The following ABTB2 variants were observed in gnomAD, a reference collection of about 807,000 sequenced individuals.
ABTB2 encodes the protein ankyrin repeat and BTB/POZ domain-containing protein 2.
A neutral mutation model predicts 104.1 loss-of-function variants in ABTB2; 56 were observed. The observed-to-expected ratio is 0.54, with a 90% CI of 0.43 to 0.67. The LOEUF (loss-of-function observed/expected upper bound fraction) is 0.67, where lower values mean the gene tolerates loss of function less well. Among genes scored for constraint, ABTB2 ranks in the 30% least tolerant of loss-of-function variants. The probability of loss-of-function intolerance (pLI) is 0.00; values close to 1 mark genes in which losing one functional copy is unlikely to be tolerated. For missense variants in ABTB2, 1,279 were observed against 1,407.7 expected (o/e 0.91, Z 1.46); for synonymous variants, 606 against 608.2 (o/e 1.00, Z 0.05).
At chr11:34,170,517 G>GGT (rs762171143) in intron 5 of ABTB2, among the ~76,000 whole-genome samples, 2 of 152,144 alleles carry the variant, frequency 1.3e-5, no homozygotes, top group Non-Finnish European at 2.9e-5. Flanking sequence ...GCACTAAAAT[G>GGT]GTATCTCCAT....
intron 1 of ABTB2, among the ~76,000 whole-genome samples, chr11:34,325,502 A>T (rs917544009): frequency 6.6e-6 from 1 of 152,228 alleles, no homozygotes; most frequent in South Asian, 2.1e-4. Context: ...ACATCATAGC[A>T]TTATTGAAAT....
chr11:34,300,041 G>GA (rs1854681273), intron 1 of ABTB2, among the ~76,000 whole-genome samples: 1 of 152,220 alleles, frequency 6.6e-6, no homozygotes, highest in Non-Finnish European at 1.5e-5. Context: ...CCTACGCTTG[G>GA]TGGGGGGAAG....
At chr11:34,207,540 G>A (rs1018811895) in intron 1 of ABTB2, among the ~76,000 whole-genome samples, 3 of 152,146 alleles carry the variant, frequency 2.0e-5, no homozygotes, top group African/African-American at 7.2e-5. Flanking sequence ...TCCAGCAAGG[G>A]AGACAGGACA....
intron 1 of ABTB2, among the ~76,000 whole-genome samples, chr11:34,285,395 G>A (rs113936737): frequency 2.6e-5 from 4 of 152,286 alleles, no homozygotes; most frequent in African/African-American, 9.6e-5. Context: ...GCGGTAACCA[G>A]AGGAACATGG....
chr11:34,196,335 C>T (rs1398066891), intron 3 of ABTB2, among the ~76,000 whole-genome samples: 6 of 152,180 alleles, frequency 3.9e-5, no homozygotes, highest in Admixed American at 6.5e-5. Flanking sequence ...GCGTGGATCA[C>T]GAGATCAGGA....
intron 1 of ABTB2, among the ~76,000 whole-genome samples, chr11:34,318,747 G>T (rs1415948974): frequency 2.0e-5 from 3 of 152,232 alleles, no homozygotes; most frequent in African/African-American, 7.2e-5. Flanking sequence ...TGGGGAGTCA[G>T]AACTCAATGT....
chr11:34,237,423 G>A (rs953491374), intron 1 of ABTB2, among the ~76,000 whole-genome samples: 12 of 152,026 alleles, frequency 7.9e-5, no homozygotes, highest in South Asian at 2.1e-4. Context: ...GATTTCAGGC[G>A]TGAGCCACTG....
intron 1 of ABTB2, among the ~76,000 whole-genome samples, chr11:34,342,961 ATTC>A (rs879719357): frequency 6.7e-6 from 1 of 148,974 alleles, no homozygotes; most frequent in African/African-American, 2.5e-5. Flanking sequence ...TTATTTATTT[ATTC>A]GTTCATTCAT....
At chr11:34,248,752 T>A (rs1854017188) in intron 1 of ABTB2, among the ~76,000 whole-genome samples, 1 of 152,200 alleles carries the variant, frequency 6.6e-6, no homozygotes, top group Non-Finnish European at 1.5e-5. Context: ...CACATTGAGG[T>A]TGTGGGTATT....
rs541379049 is a variant in ABTB2 at position 34,157,782 on chromosome 11, C to CA, written c.2697+1513dup. Among the ~76,000 whole-genome samples the CA allele has an allele frequency of 9.3e-4, 142 of 152,386 alleles. 1 individual carries two copies. Among genetic ancestry groups the CA allele is most frequent in the African/African-American group, 3.2e-3 (132 of 41,598 alleles). ...TTCCCTCCATCCCCCCAGCCACTGC[C>CA]AATCCAGGTCACCACTGTCACTCAG... On this transcript the variant is annotated intron_variant, in intron 14 of 16. Transcript: ENST00000435224.
At chr11:34,206,368 A>G (rs1853407705) in intron 1 of ABTB2, among the ~76,000 whole-genome samples, 1 of 152,270 alleles carries the variant, frequency 6.6e-6, no homozygotes, top group Non-Finnish European at 1.5e-5. Context: ...GGCAACAGAG[A>G]CTGTGTCTCA....
intron 1 of ABTB2, among the ~76,000 whole-genome samples, chr11:34,292,624 G>A (rs187568379): frequency 6.6e-6 from 1 of 152,340 alleles, no homozygotes; most frequent in Non-Finnish European, 1.5e-5. Flanking sequence ...CTAGTGGGTG[G>A]AAGATGGACA....
At chr11:34,349,167 A>C (rs1855369930) in intron 1 of ABTB2, among the ~76,000 whole-genome samples, 1 of 152,154 alleles carries the variant, frequency 6.6e-6, no homozygotes, top group African/African-American at 2.4e-5. Flanking sequence ...AAAACACAAA[A>C]CACCTGCTAT....
intron 1 of ABTB2, among the ~76,000 whole-genome samples, chr11:34,259,211 C>T (rs544066809): frequency 9.8e-5 from 15 of 152,316 alleles, no homozygotes; most frequent in African/African-American, 3.4e-4. Context: ...TCTGCCTGTC[C>T]TCCACAGTGA....
At chr11:34,177,793 CCTA>C (rs1190866154) in intron 3 of ABTB2, among the ~76,000 whole-genome samples, 1 of 152,078 alleles carries the variant, frequency 6.6e-6, no homozygotes, top group Admixed American at 6.5e-5. Flanking sequence ...GGTCTCGACT[CCTA>C]AGCTCAAGCG....
intron 1 of ABTB2, among the ~76,000 whole-genome samples, chr11:34,300,784 G>A (rs1854695576): frequency 6.6e-6 from 1 of 152,178 alleles, no homozygotes. Flanking sequence ...GTTTTAGGTT[G>A]GAGCAACCCA....
intron 1 of ABTB2, among the ~76,000 whole-genome samples, chr11:34,287,811 C>T (rs1001789593): frequency 2.0e-5 from 3 of 152,104 alleles, no homozygotes; most frequent in Non-Finnish European, 2.9e-5. Context: ...ACTCTGTTTC[C>T]GTGGTATTTT....
chr11:34,327,311 G>A (rs1410842482), intron 1 of ABTB2, among the ~76,000 whole-genome samples: 1 of 152,192 alleles, frequency 6.6e-6, no homozygotes, highest in Non-Finnish European at 1.5e-5. Context: ...GATAAAGAGG[G>A]ACATTGCAAT....
At chr11:34,323,020 G>C (rs758388811) in intron 1 of ABTB2, among the ~76,000 whole-genome samples, 1 of 151,988 alleles carries the variant, frequency 6.6e-6, no homozygotes, top group African/African-American at 2.4e-5. Context: ...AGCAATTCTT[G>C]TACCTTAGCT....
Sources: allele counts gnomAD v4.1 joint callset (sites outside exome capture counted in the v4.1 genomes callset), GRCh38; gene constraint gnomAD v4.1.1; transcripts MANE v1.5; gene names NCBI Gene and HGNC (gene_info 2026-07-23, HGNC 2026-07-21).